The following COL10A1 variants were observed in gnomAD, a reference collection of about 807,000 sequenced individuals.
COL10A1 encodes collagen alpha-1(X) chain.
In COL10A1, 10 loss-of-function variants were observed where a neutral mutation model predicts 18.2. That is an observed-to-expected ratio of 0.55 (90% confidence interval 0.34 to 0.93). COL10A1 has a LOEUF of 0.93. Among genes scored for constraint, COL10A1 ranks in the 40% least tolerant of loss-of-function variants. The pLI is 0.02. For missense variants in COL10A1, 897 were observed against 853.5 expected (o/e 1.05, Z -0.64); for synonymous variants, 330 against 316.6 (o/e 1.04, Z -0.45).
upstream of COL10A1, among the ~76,000 whole-genome samples, chr6:116,161,505 C>T (rs181134907): frequency 2.2e-4 from 34 of 152,034 alleles, no homozygotes; most frequent in East Asian, 5.4e-3. Flanking sequence ...ATCCTTTCCC[C>T]ATTGTTTATT....
the COL10A1 span, among the ~76,000 whole-genome samples, chr6:116,202,560 A>G: frequency 6.6e-6 from 1 of 151,960 alleles, no homozygotes; most frequent in African/African-American, 2.4e-5. Context: ...TCTTTTACAG[A>G]TGCAAATCTG....
the COL10A1 span, among the ~76,000 whole-genome samples, chr6:116,213,548 A>G: frequency 0.04 from 6,068 of 152,202 alleles, 182 homozygotes; most frequent in African/African-American, 0.08. Flanking sequence ...GAATGGAACA[A>G]TTAACTCCAA....
intron 1 of COL10A1, among the ~76,000 whole-genome samples, chr6:116,134,001 T>A (rs1779529781): frequency 6.6e-6 from 1 of 152,210 alleles, no homozygotes; most frequent in Non-Finnish European, 1.5e-5. Context: ...AAATAACTCT[T>A]GCCACTTATG....
At position 116,120,774 on chromosome 6, in the gene COL10A1, G is replaced by C. The variant is rs1779093768; in HGVS notation, c.1342C>G (p.Pro448Ala). The change falls in exon 3 of 3, where the codon CCA becomes GCA. Residue 448 changes from proline to alanine, a missense_variant. Coordinates refer to ENST00000651968, the MANE Select transcript of COL10A1 (RefSeq NM_000493.4). ...EAGPRGAPGI[P>A]GTRGPIGPPG... ...GGCCCAATAGGGCCTCTAGTACCTGGTATTCCAGGGGCACCTCTTGGGCCA... is the reference window on the plus strand; with the variant it reads ...GGCCCAATAGGGCCTCTAGTACCTGCTATTCCAGGGGCACCTCTTGGGCCA... 6.2e-7 allele frequency: 1 copy of C among 1,613,146 alleles called. No homozygotes were observed. The highest frequency in any genetic ancestry group is 8.5e-7 in the Non-Finnish European group (1 of 1,179,730).
At chr6:116,123,684 G>A (rs1779205741) in intron 2 of COL10A1, among the ~76,000 whole-genome samples, 1 of 152,154 alleles carries the variant, frequency 6.6e-6, no homozygotes, top group Non-Finnish European at 1.5e-5. Flanking sequence ...TTGTTATGGT[G>A]CATTAATGTC....
At chr6:116,190,482 C>T in the COL10A1 span, among the ~76,000 whole-genome samples, 8 of 152,008 alleles carry the variant, frequency 5.3e-5, no homozygotes, top group African/African-American at 9.6e-5. Flanking sequence ...CAGAAGTTAG[C>T]GGCAGTGGTA....
At chr6:116,124,007 A>T (rs1779215612) in intron 2 of COL10A1, among the ~76,000 whole-genome samples, 1 of 152,146 alleles carries the variant, frequency 6.6e-6, no homozygotes, top group South Asian at 2.1e-4. Flanking sequence ...TTGTTGCTTC[A>T]AGTAAAGCGG....
Position 116,120,569 on chromosome 6 carries a change from G to A in COL10A1, c.1547C>T (p.Pro516Leu). ...LPGPPGPPGP[P>L]GQAVMPEGFI... ...ACCCTCAGGCATGACTGCTTGACCTGGTGGGCCTGGAGGCCCAGGGGGCCC... is the reference window on the plus strand; with the variant it reads ...ACCCTCAGGCATGACTGCTTGACCTAGTGGGCCTGGAGGCCCAGGGGGCCC... The change falls in exon 3 of 3, where the codon CCA becomes CTA. Residue 516 changes from proline to leucine, a missense_variant. Transcript: ENST00000651968. The A allele has an allele frequency of 6.2e-7, 1 of 1,606,314 alleles. No homozygotes were observed. Among genetic ancestry groups the A allele is most frequent in the African/African-American group, 1.3e-5 (1 of 74,592 alleles).
intron 1 of COL10A1, among the ~76,000 whole-genome samples, chr6:116,156,763 A>G (rs1780205004): frequency 1.3e-5 from 2 of 152,216 alleles, no homozygotes; most frequent in African/African-American, 4.8e-5. Context: ...CTTAAGAGTA[A>G]TATCCAAGAT....
At chr6:116,178,365 T>G in the COL10A1 span, among the ~76,000 whole-genome samples, 4 of 152,150 alleles carry the variant, frequency 2.6e-5, no homozygotes, top group African/African-American at 9.7e-5. Context: ...ACTCTTTAAC[T>G]TGAAGTCAGC....
At chr6:116,138,554 G>A (rs1189735974) in intron 1 of COL10A1, among the ~76,000 whole-genome samples, 1 of 151,912 alleles carries the variant, frequency 6.6e-6, no homozygotes, top group South Asian at 2.1e-4. Context: ...TAATTGAAAA[G>A]CAAATAGTGC....
intron 1 of COL10A1, among the ~76,000 whole-genome samples, chr6:116,153,624 G>A (rs148839543): frequency 8.5e-5 from 13 of 152,182 alleles, no homozygotes; most frequent in African/African-American, 3.1e-4. Context: ...ACCTAGTTAG[G>A]CTTCAGAAAT....
chr6:116,136,478 AAAG>A (rs1779606410), intron 1 of COL10A1, among the ~76,000 whole-genome samples: 5 of 152,104 alleles, frequency 3.3e-5, no homozygotes, highest in Middle Eastern at 3.4e-3. Context: ...GTTTTTTTTA[AAAG>A]AAGAAAATGA....
the COL10A1 span, among the ~76,000 whole-genome samples, chr6:116,168,411 G>C: frequency 6.6e-6 from 1 of 151,726 alleles, no homozygotes; most frequent in South Asian, 2.1e-4. Context: ...TTTGATTACT[G>C]TATTTTTCAG....
chr6:116,176,622 C>T, the COL10A1 span, among the ~76,000 whole-genome samples: 1 of 152,192 alleles, frequency 6.6e-6, no homozygotes, highest in Non-Finnish European at 1.5e-5. Context: ...AGGCCCAAAG[C>T]AGTCTTGTGC....
chr6:116,195,290 C>T, the COL10A1 span, among the ~76,000 whole-genome samples: 1 of 151,962 alleles, frequency 6.6e-6, no homozygotes, highest in Non-Finnish European at 1.5e-5. Context: ...ATCACAATTT[C>T]GCTATTAAAA....
At position 116,119,245 on chromosome 6, in the gene COL10A1, C is replaced by T. The variant is rs941465931; in HGVS notation, c.*828G>A. 1.3e-5 allele frequency: 2 copies of T among 152,622 alleles called. No homozygotes were observed. Among genetic ancestry groups the T allele is most frequent in the African/African-American group, 4.8e-5 (2 of 41,450 alleles). The allele number at this position is 152,622 out of a possible 1,614,324, so 9.5% of individuals were successfully genotyped here. A position where few individuals can be genotyped will look rare whatever the true frequency, so the allele number is the denominator to read the frequency against. The stretch of plus-strand genomic sequence containing the variant: ...GGCACAAGGTACATGTGCTAATGTT[C>T]TGTAAATCCAGAAAATCATATCACA... On this transcript the variant is annotated 3_prime_UTR_variant, in exon 3 of 3. Coordinates refer to ENST00000651968, the MANE Select transcript of COL10A1 (RefSeq NM_000493.4).
chr6:116,195,117 T>G, the COL10A1 span, among the ~76,000 whole-genome samples: 3 of 152,218 alleles, frequency 2.0e-5, no homozygotes, highest in Admixed American at 6.5e-5. Flanking sequence ...TGTCACATTA[T>G]ATTTTATATC....
At chr6:116,125,567 C>T (rs1431149435) in intron 1 of COL10A1, 60 bp from the exon 2 acceptor site, 4 of 1,489,542 alleles carry the variant, frequency 2.7e-6, no homozygotes, top group Non-Finnish European at 3.7e-6. Context: ...TTTTTATTCT[C>T]ATGTTTCACA....
Sources: gnomAD v4.1 joint callset for allele counts (sites outside exome capture counted in the v4.1 genomes callset) on GRCh38, gnomAD v4.1.1 for gene constraint, MANE v1.5 for transcripts, NCBI Gene and HGNC (gene_info 2026-07-23, HGNC 2026-07-21) for gene names.